Variants in SSX3 observed in about 807,000 individuals in gnomAD.
SSX3 encodes the protein protein SSX3.
SSX3 carries 6 observed loss-of-function variants against 14.8 expected under a neutral mutation model. That is an observed-to-expected ratio of 0.41 (90% CI 0.22 to 0.80). SSX3 has a LOEUF of 0.80. SSX3 is among the 30% of genes least tolerant of loss of function. SSX3 has a pLI of 0.34. For missense variants in SSX3, 163 were observed against 152.2 expected (o/e 1.07, Z -0.37); for synonymous variants, 55 against 52.9 (o/e 1.04, Z -0.18).
intron 6 of SSX3, 53 bp from the exon 7 acceptor site, chrX:48,347,657 G>C: frequency 8.3e-7 from 1 of 1,207,443 alleles, no homozygotes; most frequent in East Asian, 3.0e-5. Flanking sequence ...GAGAGTGTTA[G>C]GCTCTGTTTA....
At chrX:48,347,385 C>G (rs1385876717) in intron 7 of SSX3, 115 bp downstream of exon 7, 8 of 1,084,783 alleles carry the variant, frequency 7.4e-6, no homozygotes, top group Non-Finnish European at 1.0e-5. Context: ...ATGCTGTACA[C>G]TAGAAAATTA....
intron 4 of SSX3, among the ~76,000 whole-genome samples, chrX:48,353,028 T>C (rs1569461612): frequency 9.0e-6 from 1 of 111,624 alleles, no homozygotes; most frequent in Non-Finnish European, 1.9e-5. Flanking sequence ...ACATAATGTG[T>C]TCATCAACCT....
intron 6 of SSX3, among the ~76,000 whole-genome samples, chrX:48,348,970 A>G (rs1556949053): frequency 1.8e-5 from 2 of 112,383 alleles, no homozygotes; most frequent in African/African-American, 3.2e-5. Flanking sequence ...CTATAACATA[A>G]AAGTGCAAGG....
chrX:48,355,308 C>T (rs781895685), intron 1 of SSX3, 39 bp from the exon 2 acceptor site: 310 of 1,158,668 alleles, frequency 2.7e-4, no homozygotes, highest in Non-Finnish European at 3.2e-4. Context: ...AGCCGCAGGA[C>T]CTTTGGTCTT....
chrX:48,352,757 A>G (rs1426917401), intron 4 of SSX3, among the ~76,000 whole-genome samples: 1 of 112,106 alleles, frequency 8.9e-6, no homozygotes, highest in African/African-American at 3.2e-5. Context: ...TCTTATAATT[A>G]TGTTGTCAGA....
At chrX:48,350,825 C>T (rs1395536393) in intron 5 of SSX3, among the ~76,000 whole-genome samples, 2 of 103,247 alleles carry the variant, frequency 1.9e-5, no homozygotes, top group Non-Finnish European at 3.9e-5. Flanking sequence ...GAATGGGGAG[C>T]CGTGGCATGA....
chrX:48,353,008 G>A (rs1459647733), intron 4 of SSX3, among the ~76,000 whole-genome samples: 3 of 111,305 alleles, frequency 2.7e-5, no homozygotes, highest in Non-Finnish European at 3.8e-5. Flanking sequence ...GAGAAACAGC[G>A]ATCTTTATTA....
intron 5 of SSX3, among the ~76,000 whole-genome samples, chrX:48,350,498 T>C (rs1349900624): frequency 3.6e-5 from 4 of 111,222 alleles, no homozygotes; most frequent in African/African-American, 1.3e-4. Context: ...CATATAAGCT[T>C]GTAGACAGCT....
intron 3 of SSX3, 49 bp from the exon 4 acceptor site, chrX:48,354,143 G>A (rs2061275251): frequency 9.3e-7 from 1 of 1,077,628 alleles, no homozygotes; most frequent in Non-Finnish European, 1.3e-6. Flanking sequence ...CTTGGGCCTG[G>A]TACGGTGGCT....
intron 6 of SSX3, among the ~76,000 whole-genome samples, chrX:48,348,871 A>C (rs1556949036): frequency 1.8e-5 from 2 of 112,187 alleles, no homozygotes; most frequent in South Asian, 7.3e-4. Context: ...CTTCAAATCC[A>C]TGAAAGCTGA....
rs782746530 is a variant in SSX3, at chrX:48,354,480, T to C, written c.184+152A>G. On this transcript the variant is annotated intron_variant, in intron 3 of 7. Transcript: ENST00000298396. ...CACTGCCCTCAGCCCTGACAGGATA[T>C]AGAAGAGCAGAACACCCAGAAGCTG... 4.7e-5 allele frequency: 29 copies of C among 623,094 alleles called. No individual in the cohort carries two copies. The East Asian group carries it at 8.0e-4, about 17-fold the overall frequency. The allele number at this position is 623,094 out of a possible 1,213,427, so 51.3% of individuals were successfully genotyped here.
At chrX:48,354,524 C>T (rs2061277645) in intron 3 of SSX3, 108 bp downstream of exon 3, 1 of 944,852 alleles carries the variant, frequency 1.1e-6, no homozygotes, top group African/African-American at 2.0e-5. Flanking sequence ...TTTTTCCCTA[C>T]ACAAAAGGAA....
At chrX:48,348,867 A>G (rs1218959224) in intron 6 of SSX3, among the ~76,000 whole-genome samples, 3 of 112,237 alleles carry the variant, frequency 2.7e-5, no homozygotes, top group Non-Finnish European at 3.8e-5. Flanking sequence ...CTCTCTTCAA[A>G]TCCATGAAAG....
intron 6 of SSX3, among the ~76,000 whole-genome samples, chrX:48,348,055 T>A (rs782264536): frequency 4.4e-5 from 5 of 112,670 alleles, no homozygotes; most frequent in Non-Finnish European, 9.4e-5. Context: ...TTACTATTAT[T>A]ACTAAAATTG....
At chrX:48,349,083 A>ACG (rs2061250515) in intron 6 of SSX3, among the ~76,000 whole-genome samples, 1 of 112,737 alleles carries the variant, frequency 8.9e-6, no homozygotes, top group Non-Finnish European at 1.9e-5. Flanking sequence ...TTTTCAATGT[A>ACG]GATAAAATAG....
intron 6 of SSX3, 43 bp downstream of exon 6, chrX:48,349,944 C>G (rs782376900): frequency 8.3e-7 from 1 of 1,209,238 alleles, no homozygotes. Flanking sequence ...CTGAACGTCG[C>G]CAGGGAAGCC....
rs782027981 is a variant in SSX3 at position 48,355,215 on chromosome X, G to A, written c.35C>T (p.Thr12Met). Residue 12 changes from threonine to methionine, a missense_variant, in exon 2 of 8, where the codon ACG becomes ATG. By Grantham distance (81) the Thr-to-Met change is moderately conservative. Transcript: ENST00000298396. ...CTTCTCTGGTATTTGAGCACCAACC[G>A]TGGGTCTCCTTGCAAAGGTGTCATC... ...NGDDTFARRP[T>M]VGAQIPEKIQ... The A allele has an allele frequency of 3.3e-6, 4 of 1,211,432 alleles. No individual in the cohort carries two copies. The highest frequency in any genetic ancestry group is 2.2e-5 in the Admixed American group (1 of 45,999).
intron 2 of SSX3, 124 bp downstream of exon 2, chrX:48,355,057 G>T: frequency 8.3e-7 from 1 of 1,205,046 alleles, no homozygotes; most frequent in East Asian, 3.0e-5. Flanking sequence ...AGGCTCCCAA[G>T]GGTCCAGATC....
chrX:48,350,185 T>A, intron 5 of SSX3, 63 bp from the exon 6 acceptor site: 1 of 1,190,076 alleles, frequency 8.4e-7, no homozygotes, highest in Non-Finnish European at 1.1e-6. Context: ...CTTTTGAGCT[T>A]ACAAAGGGTC....
Sources: gnomAD v4.1 joint callset for allele counts (sites outside exome capture counted in the v4.1 genomes callset) on GRCh38, gnomAD v4.1.1 for gene constraint, MANE v1.5 for transcripts, NCBI Gene and HGNC (gene_info 2026-07-23, HGNC 2026-07-21) for gene names.